PDK1: variants seen among roughly 807,000 people sequenced by gnomAD.
The protein encoded by PDK1 is pyruvate dehydrogenase kinase 1, also known as [Pyruvate dehydrogenase (acetyl-transferring)] kinase isozyme 1, mitochondrial.
Under a neutral mutation model 54.2 loss-of-function variants are expected in PDK1, and 39 were observed. The observed-to-expected ratio is 0.72, with a 90% CI of 0.56 to 0.94. The LOEUF (loss-of-function observed/expected upper bound fraction) is 0.94, where lower values mean the gene tolerates loss of function less well. Ranked by LOEUF, PDK1 falls within the 40% of genes least tolerant of loss-of-function variation. PDK1 has a pLI of 0.00. For missense variants in PDK1, 552 were observed against 566.0 expected (o/e 0.98, Z 0.25); for synonymous variants, 221 against 207.1 (o/e 1.07, Z -0.58).
chr2:172,582,842 C>A (rs1689987018), intron 8 of PDK1, among the ~76,000 whole-genome samples: 1 of 152,182 alleles, frequency 6.6e-6, no homozygotes, highest in Non-Finnish European at 1.5e-5. Flanking sequence ...TAACTCTATT[C>A]CTGTGGCTTA....
the PDK1 span, among the ~76,000 whole-genome samples, chr2:172,646,505 CA>C: frequency 6.7e-6 from 1 of 149,894 alleles, no homozygotes; most frequent in Non-Finnish European, 1.5e-5. Context: ...ACATCGAAGG[CA>C]AAAAAAAAGC....
At chr2:172,590,863 C>T (rs989446017) in intron 9 of PDK1, among the ~76,000 whole-genome samples, 1 of 151,982 alleles carries the variant, frequency 6.6e-6, no homozygotes, top group African/African-American at 2.4e-5. Flanking sequence ...TTTAGCTAGA[C>T]AGAAAAGTTC....
intron 1 of PDK1, among the ~76,000 whole-genome samples, chr2:172,557,482 G>A (rs1264202366): frequency 6.6e-6 from 1 of 152,160 alleles, no homozygotes; most frequent in Non-Finnish European, 1.5e-5. Context: ...TGATATGGGA[G>A]TGTAGAGGGG....
intron 9 of PDK1, among the ~76,000 whole-genome samples, chr2:172,591,516 C>A (rs1432094700): frequency 1.3e-5 from 2 of 152,146 alleles, no homozygotes; most frequent in Non-Finnish European, 2.9e-5. Flanking sequence ...TTATTTCTTG[C>A]AAACTGTCTA....
At chr2:172,564,375 A>C in intron 3 of PDK1, 128 bp from the exon 4 acceptor site, 3 of 679,642 alleles carry the variant, frequency 4.4e-6, no homozygotes, top group Non-Finnish European at 7.7e-6. Context: ...AAGTATAGGA[A>C]AACATGAACC....
At position 172,608,378 on chromosome 2, in the gene PDK1, C is replaced by A. The variant is rs1447378286; in HGVS notation, c.*12409C>A. On this transcript the variant is annotated 3_prime_UTR_variant, in exon 11 of 11. Coordinates refer to ENST00000282077, the MANE Select transcript of PDK1 (RefSeq NM_002610.5). ...AGTTTACTCTTCCACCCCCAAGATTCTGGGGTATTTTGGCTAATGTTATTT... is the reference window on the plus strand; with the variant it reads ...AGTTTACTCTTCCACCCCCAAGATTATGGGGTATTTTGGCTAATGTTATTT... 1 of 152,148 alleles carries A rather than the reference C, an allele frequency of 6.6e-6. No individual in the cohort carries two copies. Among genetic ancestry groups the A allele is most frequent in the Non-Finnish European group, 1.5e-5 (1 of 68,022 alleles). The allele number at this position is 152,148 out of a possible 1,614,324, so 9.4% of individuals were successfully genotyped here. A position where few individuals can be genotyped will look rare whatever the true frequency, so the allele number is the denominator to read the frequency against.
chr2:172,693,879 C>G, the PDK1 span, among the ~76,000 whole-genome samples: 5 of 152,154 alleles, frequency 3.3e-5, no homozygotes, highest in African/African-American at 1.2e-4. Context: ...CAATAAAGGC[C>G]AAGGCTGCTC....
intron 9 of PDK1, among the ~76,000 whole-genome samples, chr2:172,587,389 C>T (rs1008285079): frequency 2.0e-5 from 3 of 151,934 alleles, no homozygotes; most frequent in Non-Finnish European, 4.4e-5. Flanking sequence ...TCAGTGGGTT[C>T]GTGGTCTTGC....
chr2:172,610,674 A>G (rs1242926355), downstream of PDK1, among the ~76,000 whole-genome samples: 1 of 151,980 alleles, frequency 6.6e-6, no homozygotes, highest in Non-Finnish European at 1.5e-5. Context: ...GCAGTGGTGC[A>G]GTCTCAGCTC....
chr2:172,628,331 G>A, the PDK1 span, among the ~76,000 whole-genome samples: 1 of 152,212 alleles, frequency 6.6e-6, no homozygotes, highest in African/African-American at 2.4e-5. Context: ...TGGATATCTG[G>A]TCTCACGGTG....
intron 8 of PDK1, among the ~76,000 whole-genome samples, chr2:172,573,783 G>C (rs542751259): frequency 1.3e-5 from 2 of 151,866 alleles, no homozygotes; most frequent in Admixed American, 1.3e-4. Context: ...GTACAAAGTT[G>C]TGTTTTTTTG....
chr2:172,564,431 G>GT (rs1688824556), intron 3 of PDK1, 72 bp from the exon 4 acceptor site: 2 of 1,265,164 alleles, frequency 1.6e-6, no homozygotes, highest in African/African-American at 3.0e-5. Flanking sequence ...AGCATAGTTG[G>GT]TTAAGCTTAT....
chr2:172,576,055 G>A (rs1689565123), intron 8 of PDK1, among the ~76,000 whole-genome samples: 2 of 151,928 alleles, frequency 1.3e-5, no homozygotes, highest in Non-Finnish European at 2.9e-5. Context: ...AGCCTCCCGA[G>A]TAGCTAGGAC....
At chr2:172,633,387 T>C in the PDK1 span, among the ~76,000 whole-genome samples, 5 of 13,006 alleles carry the variant, frequency 3.8e-4, no homozygotes, top group South Asian at 1.9e-3. Flanking sequence ...CTTTCTTTTT[T>C]TTTTTTTTTT....
chr2:172,593,145 T>G (rs1690697460), intron 10 of PDK1, 97 bp downstream of exon 10: 1 of 596,674 alleles, frequency 1.7e-6, no homozygotes, highest in African/African-American at 1.9e-5. Flanking sequence ...CCACATGCTG[T>G]TTAAATAGAA....
intron 5 of PDK1, among the ~76,000 whole-genome samples, chr2:172,566,226 T>C (rs1688931834): frequency 6.6e-6 from 1 of 152,192 alleles, no homozygotes; most frequent in Non-Finnish European, 1.5e-5. Context: ...TGTCATTCAT[T>C]GTTTATGGCT....
At chr2:172,573,339 T>C (rs1689387194) in intron 8 of PDK1, among the ~76,000 whole-genome samples, 2 of 152,192 alleles carry the variant, frequency 1.3e-5, no homozygotes, top group Non-Finnish European at 2.9e-5. Flanking sequence ...CTAATGACTA[T>C]GATGTTGAGC....
At chr2:172,631,459 C>T in the PDK1 span, among the ~76,000 whole-genome samples, 3 of 152,188 alleles carry the variant, frequency 2.0e-5, no homozygotes, top group Non-Finnish European at 4.4e-5. Flanking sequence ...TGTGGACTGG[C>T]CTCCCAGTTT....
the PDK1 span, among the ~76,000 whole-genome samples, chr2:172,669,277 G>A: frequency 6.6e-6 from 1 of 151,828 alleles, no homozygotes; most frequent in Non-Finnish European, 1.5e-5. Context: ...TCGATCTCCT[G>A]ACCCTGTGAT....
Sources: allele counts gnomAD v4.1 joint callset (sites outside exome capture counted in the v4.1 genomes callset), GRCh38; gene constraint gnomAD v4.1.1; transcripts MANE v1.5; gene names NCBI Gene and HGNC (gene_info 2026-07-23, HGNC 2026-07-21).